FANK1: variants seen among roughly 807,000 people sequenced by gnomAD.
FANK1 encodes the protein fibronectin type 3 and ankyrin repeat domains protein 1.
Under a neutral mutation model 45.3 loss-of-function variants are expected in FANK1, and 44 were observed. The ratio of observed to expected loss-of-function variants is 0.97; its 90% CI spans 0.76 to 1.25. The LOEUF (loss-of-function observed/expected upper bound fraction) is 1.25, where lower values mean the gene tolerates loss of function less well. FANK1 is among the 50% of genes most tolerant of loss of function. The pLI is 0.00. For missense variants in FANK1, 391 were observed against 424.4 expected, an observed-to-expected ratio of 0.92 and a Z score of 0.69; for synonymous variants, 149 against 152.5, an observed-to-expected ratio of 0.98 and a Z score of 0.17.
chr10:125,909,876 G>A (rs1945851755), intron 1 of FANK1, among the ~76,000 whole-genome samples: 1 of 150,140 alleles, frequency 6.7e-6, no homozygotes, highest in South Asian at 2.1e-4. Context: ...ATGTGTTTAC[G>A]ATTATAGATT....
intron 6 of FANK1, 120 bp from the exon 7 acceptor site, chr10:126,004,764 G>T: frequency 1.0e-6 from 1 of 958,922 alleles, no homozygotes; most frequent in Non-Finnish European, 1.6e-6. Flanking sequence ...TATATGAACA[G>T]TTCCCATGGC....
chr10:125,897,017 G>C (rs1944590182), intron 1 of FANK1, among the ~76,000 whole-genome samples: 1 of 152,294 alleles, frequency 6.6e-6, no homozygotes, highest in Non-Finnish European at 1.5e-5. Context: ...TGGTAGTTTG[G>C]TTCATTAATT....
chr10:125,904,210 A>G (rs1945290508), intron 1 of FANK1, among the ~76,000 whole-genome samples: 1 of 152,232 alleles, frequency 6.6e-6, no homozygotes, highest in Non-Finnish European at 1.5e-5. Flanking sequence ...TTTTTTAAAA[A>G]AAGATTCCAC....
intron 1 of FANK1, among the ~76,000 whole-genome samples, chr10:125,969,596 AAAG>A (rs1256473081): frequency 1.1e-4 from 16 of 152,214 alleles, no homozygotes; most frequent in African/African-American, 3.1e-4. Context: ...AAATAGCAAA[AAAG>A]ATCAGCTTTT....
intron 6 of FANK1, among the ~76,000 whole-genome samples, chr10:125,998,686 G>A (rs1952525421): frequency 6.6e-6 from 1 of 152,158 alleles, no homozygotes; most frequent in South Asian, 2.1e-4. Context: ...TAGAGAAAAT[G>A]TAAACATGAA....
chr10:126,007,416 T>C (rs1953304274), intron 7 of FANK1, among the ~76,000 whole-genome samples: 1 of 152,258 alleles, frequency 6.6e-6, no homozygotes, highest in Non-Finnish European at 1.5e-5. Context: ...GTGCTTATTT[T>C]ATTATTCTTT....
At chr10:125,978,726 T>A in intron 1 of FANK1, among the ~76,000 whole-genome samples, 1 of 152,088 alleles carries the variant, frequency 6.6e-6, no homozygotes, top group East Asian at 1.9e-4. Flanking sequence ...GGCCTGCCCC[T>A]CCCCCTGGGA....
chr10:125,904,477 T>C (rs1945315730), intron 1 of FANK1, among the ~76,000 whole-genome samples: 1 of 151,960 alleles, frequency 6.6e-6, no homozygotes, highest in Admixed American at 6.6e-5. Flanking sequence ...TCTCACTATG[T>C]TGCACAGGCT....
At chr10:125,958,869 A>G (rs1949742171) in intron 1 of FANK1, among the ~76,000 whole-genome samples, 1 of 152,242 alleles carries the variant, frequency 6.6e-6, no homozygotes, top group Admixed American at 6.5e-5. Context: ...TCCCATGCTC[A>G]TGGATCAGAG....
chr10:126,009,015 G>A, intron 8 of FANK1, 39 bp from the exon 9 acceptor site: 2 of 1,598,760 alleles, frequency 1.3e-6, no homozygotes, highest in Non-Finnish European at 1.7e-6. Flanking sequence ...GCCCTGGAGG[G>A]AGAAGCTCAT....
intron 1 of FANK1, among the ~76,000 whole-genome samples, chr10:125,913,974 A>T (rs61870875): frequency 1.4e-5 from 2 of 148,058 alleles, no homozygotes; most frequent in Non-Finnish European, 3.0e-5. Context: ...AACACAAAGA[A>T]GATGTTTGTG....
At chr10:125,978,049 T>C (rs978152284) in intron 1 of FANK1, among the ~76,000 whole-genome samples, 5 of 151,574 alleles carry the variant, frequency 3.3e-5, no homozygotes, top group African/African-American at 1.2e-4. Flanking sequence ...AGTGAGGAGA[T>C]ATGGACAAGT....
At chr10:125,965,589 T>G (rs1950163616) in intron 1 of FANK1, among the ~76,000 whole-genome samples, 1 of 152,220 alleles carries the variant, frequency 6.6e-6, no homozygotes, top group East Asian at 1.9e-4. Flanking sequence ...TGCTCTCCAC[T>G]TATCAGTTCT....
intron 1 of FANK1, among the ~76,000 whole-genome samples, chr10:125,957,079 TCTC>T (rs998470278): frequency 1.7e-4 from 26 of 152,172 alleles, no homozygotes; most frequent in African/African-American, 6.3e-4. Context: ...ATGGTCACGA[TCTC>T]CTGACCTTGT....
chr10:125,976,359 T>A (rs1444599255), intron 1 of FANK1, among the ~76,000 whole-genome samples: 1 of 152,230 alleles, frequency 6.6e-6, no homozygotes, highest in Non-Finnish European at 1.5e-5. Flanking sequence ...TGTAGGTCCC[T>A]CTAGTAAGGT....
chr10:125,940,437 A>G (rs1481651342), intron 1 of FANK1, among the ~76,000 whole-genome samples: 1 of 152,194 alleles, frequency 6.6e-6, no homozygotes, highest in Non-Finnish European at 1.5e-5. Flanking sequence ...TCACCCAAAC[A>G]TCTCAGTGTA....
chr10:125,943,000 G>C (rs1353531778), intron 1 of FANK1, among the ~76,000 whole-genome samples: 1 of 151,988 alleles, frequency 6.6e-6, no homozygotes, highest in African/African-American at 2.4e-5. Flanking sequence ...TTTTAATAGA[G>C]ATGGGGTTTC....
chr10:125,950,440 T>A (rs1949129775), intron 1 of FANK1, among the ~76,000 whole-genome samples: 1 of 150,040 alleles, frequency 6.7e-6, no homozygotes. Flanking sequence ...AACAACCCCA[T>A]CAAAAAGTGG....
chr10:125,976,963 G>A (rs527804362), intron 1 of FANK1, among the ~76,000 whole-genome samples: 5 of 127,196 alleles, frequency 3.9e-5, no homozygotes, highest in Non-Finnish European at 7.1e-5. Context: ...TGTCAGACCC[G>A]TTAGGTTTTT....
Sources: gnomAD v4.1 joint callset for allele counts (sites outside exome capture counted in the v4.1 genomes callset) on GRCh38, gnomAD v4.1.1 for gene constraint, MANE v1.5 for transcripts, NCBI Gene and HGNC (gene_info 2026-07-23, HGNC 2026-07-21) for gene names.